The following SYNC variants were observed in gnomAD, a reference collection of about 807,000 sequenced individuals.
SYNC encodes syncoilin.
Under a neutral mutation model 49.5 loss-of-function variants are expected in SYNC, and 38 were observed. That is an observed-to-expected ratio of 0.77 (90% CI 0.59 to 1.01). The LOEUF is 1.01. Ranked by LOEUF, SYNC falls within the 50% of genes least tolerant of loss-of-function variation. SYNC has a pLI of 0.00. For missense variants in SYNC, 579 were observed against 580.6 expected, an observed-to-expected ratio of 1.00 and a Z score of 0.03; for synonymous variants, 201 against 230.8, an observed-to-expected ratio of 0.87 and a Z score of 1.17.
chr1:32,691,401 A>AT (rs397776834), intron 2 of SYNC, among the ~76,000 whole-genome samples: 1 of 150,372 alleles, frequency 6.7e-6, no homozygotes, highest in Non-Finnish European at 1.5e-5. Flanking sequence ...CTAAAAAAAA[A>AT]TTAGCCACGT....
rs557197732 is a variant in SYNC at position 32,695,932 on chromosome 1, C to T, written c.166G>A (p.Glu56Lys). Reference protein sequence around the residue: ...TLSSEGSLNLEDILYLEDTGD... With the variant: ...TLSSEGSLNLKDILYLEDTGD... ...GTGTCCTCCAGGTAGAGAATGTCTT[C>T]GAGGTTTAAGGACCCCTCTGAAGAT... Residue 56 changes from glutamate (E) to lysine (K), a missense_variant, in exon 2 of 5, where the codon GAA (glutamate) becomes AAA (lysine). Coordinates refer to ENST00000409190, the MANE Select transcript of SYNC (RefSeq NM_030786.3). The T allele has an allele frequency of 1.9e-5, 30 of 1,550,874 alleles. No individual in the cohort carries two copies. The highest frequency in any genetic ancestry group is 1.7e-4 in the Middle Eastern group (1 of 5,992).
chr1:32,687,833 A>AATAATTATTATTATTATT (rs1553199360), intron 2 of SYNC, among the ~76,000 whole-genome samples: 13 of 38,212 alleles, frequency 3.4e-4, no homozygotes, highest in African/African-American at 5.5e-4. Flanking sequence ...CTGCCCAGTG[A>AATAATTATTATTATTATT]ATTATTATTA....
chr1:32,700,027 C>T (rs951978119), intron 1 of SYNC, among the ~76,000 whole-genome samples: 7 of 152,068 alleles, frequency 4.6e-5, no homozygotes, highest in African/African-American at 1.2e-4. Flanking sequence ...CCACCACACC[C>T]GGCCCCAAAC....
In SYNC at chr1:32,680,357, G is replaced by GTTT. The variant is rs372285843; in HGVS notation, c.*1490_*1492dup. 9.6e-5 allele frequency: 95 copies of GTTT among 988,058 alleles called. No homozygotes were observed. Among genetic ancestry groups the GTTT allele is most frequent in the Middle Eastern group, 4.6e-4 (1 of 2,174 alleles). 61.2% of individuals were successfully genotyped at this position (988,058 alleles called of 1,614,324 possible). On this transcript the variant is annotated 3_prime_UTR_variant, in exon 5 of 5. Transcript: ENST00000409190. ...AATGGTGTTTTTTTTTTTGTTGTTG[G>GTTT]TTTTTTTTTTTTTTTTTTTAACTTG...
chr1:32,696,119 G>A (rs1650417821), intron 1 of SYNC, 75 bp from the exon 2 acceptor site: 2 of 1,244,632 alleles, frequency 1.6e-6, no homozygotes, highest in South Asian at 1.5e-5. Context: ...CAGCAGCCAT[G>A]GGCCTAGACT....
At chr1:32,689,333 C>T (rs1227839395) in intron 2 of SYNC, among the ~76,000 whole-genome samples, 1 of 144,550 alleles carries the variant, frequency 6.9e-6, no homozygotes, top group Non-Finnish European at 1.5e-5. Flanking sequence ...CCTCTGCTGC[C>T]CAGGTTCAAG....
rs1487161509 is a variant in SYNC at position 32,680,464 on chromosome 1, AT to A, written c.*1385del. ...CTGTCAAGTTGAGAAGAGTGAATCA[AT>A]AACTTGTATTTGTTTTAAAAATTAA... On this transcript the variant is annotated 3_prime_UTR_variant, in exon 5 of 5. Coordinates refer to ENST00000409190, the MANE Select transcript of SYNC (RefSeq NM_030786.3). The A allele has an allele frequency of 6.5e-7, 1 of 1,535,276 alleles. No individual in the cohort carries two copies. Among genetic ancestry groups the A allele is most frequent in the African/African-American group, 1.4e-5 (1 of 71,872 alleles).
At chr1:32,703,048 G>A (rs1650731873), upstream of SYNC, 1 of 152,350 alleles carries the variant, frequency 6.6e-6, no homozygotes, top group Non-Finnish European at 1.5e-5. Context: ...GCCTGGGAGG[G>A]TGGAGGCAGG....
Position 32,681,714 on chromosome 1 carries a change from AACTTCC to A in SYNC, c.*130_*135del. On this transcript the variant is annotated 3_prime_UTR_variant, in exon 5 of 5. Coordinates refer to ENST00000409190, the MANE Select transcript of SYNC (RefSeq NM_030786.3). ...TTTAAGCAGGTCAGCCAGTATTTGCAACTTCCACAGGATGAATTGCTTGCCAAGTTT... is the reference window on the plus strand; with the variant it reads ...TTTAAGCAGGTCAGCCAGTATTTGCAACAGGATGAATTGCTTGCCAAGTTT... The A allele has an allele frequency of 7.0e-7, 1 of 1,429,886 alleles. No homozygotes were observed. The highest frequency in any genetic ancestry group is 2.3e-5 in the East Asian group (1 of 43,372). 88.6% of individuals were successfully genotyped at this position (1,429,886 alleles called of 1,614,324 possible).
rs530389465 is a variant in SYNC at position 32,702,575 on chromosome 1, C to A, written c.53+33G>T. 11 of 1,171,876 alleles carry A rather than the reference C, an allele frequency of 9.4e-6. No homozygotes were observed. The highest frequency in any genetic ancestry group is 1.1e-5 in the Non-Finnish European group (10 of 951,148). 72.6% of individuals were successfully genotyped at this position (1,171,876 alleles called of 1,614,324 possible). A position where few individuals can be genotyped will look rare whatever the true frequency, so the allele number is the denominator to read the frequency against. ...CCGTCCAGCAGCACCCCTTCCCCAGCGGGGCGGCGACGCGGGCCCGGCACT... is the reference window on the plus strand; with the variant it reads ...CCGTCCAGCAGCACCCCTTCCCCAGAGGGGCGGCGACGCGGGCCCGGCACT... On this transcript the variant is annotated intron_variant, in intron 1 of 4. Coordinates refer to ENST00000409190, the MANE Select transcript of SYNC (RefSeq NM_030786.3). The surrounding 1 kb of genome is among the most constrained non-coding windows in gnomAD (Gnocchi z 6.2).
rs1320187866 is a variant in SYNC, at chr1:32,695,819, C to G, written c.279G>C (p.Glu93Asp). The change falls in exon 2 of 5, where the codon GAG becomes GAC. Residue 93 changes from glutamate to aspartate, a missense_variant. Coordinates refer to ENST00000409190, the MANE Select transcript of SYNC (RefSeq NM_030786.3). ...LYIEEAMQPD[E>D]ALHVEEPGNP... ...TCCCAGGCTCCTCCACATGCAGAGC[C>G]TCATCTGGCTGCATGGCCTCCTCAA... 1.3e-6 allele frequency: 2 copies of G among 1,551,752 alleles called. No individual in the cohort carries two copies. Among genetic ancestry groups the G allele is most frequent in the Non-Finnish European group, 1.7e-6 (2 of 1,147,042 alleles).
intron 1 of SYNC, among the ~76,000 whole-genome samples, chr1:32,699,819 C>T (rs1432317489): frequency 2.6e-5 from 4 of 151,222 alleles, no homozygotes; most frequent in African/African-American, 7.3e-5. Context: ...CTGCAACCTC[C>T]GGCTCCTGGT....
intron 2 of SYNC, among the ~76,000 whole-genome samples, chr1:32,688,756 G>A (rs569690398): frequency 4.0e-5 from 6 of 151,044 alleles, no homozygotes; most frequent in African/African-American, 1.5e-4. Context: ...CTAATTTTTT[G>A]TATTTTTAGC....
At chr1:32,688,937 A>G (rs1332219235) in intron 2 of SYNC, among the ~76,000 whole-genome samples, 1 of 144,374 alleles carries the variant, frequency 6.9e-6, no homozygotes, top group East Asian at 2.1e-4. Flanking sequence ...CAACACACAC[A>G]CACTTTTTTT....
At chr1:32,689,532 C>G (rs1650057374) in intron 2 of SYNC, among the ~76,000 whole-genome samples, 1 of 151,958 alleles carries the variant, frequency 6.6e-6, no homozygotes, top group South Asian at 2.1e-4. Flanking sequence ...CAGCACATAG[C>G]TCACTGCCTG....
intron 2 of SYNC, among the ~76,000 whole-genome samples, chr1:32,693,348 G>A (rs1358382857): frequency 6.6e-6 from 1 of 152,158 alleles, no homozygotes; most frequent in African/African-American, 2.4e-5. Context: ...CCCAACCAAA[G>A]TGCTGGGATT....
chr1:32,696,087 C>G (rs1300013436), intron 1 of SYNC, 43 bp from the exon 2 acceptor site: 3 of 1,484,584 alleles, frequency 2.0e-6, no homozygotes, highest in Non-Finnish European at 2.7e-6. Context: ...GCCACAATCC[C>G]AGGATGGTGC....
chr1:32,682,105 G>A (rs1241766074), intron 4 of SYNC: 1 of 494,284 alleles, frequency 2.0e-6, no homozygotes, highest in African/African-American at 1.9e-5. Context: ...CTGAAATTCT[G>A]TAGTTTCATT....
intron 2 of SYNC, among the ~76,000 whole-genome samples, chr1:32,689,235 C>CTTTTTTTT (rs71006360): frequency 0.13 from 5,230 of 41,426 alleles, 2,072 homozygotes; most frequent in Non-Finnish European, 0.17. Flanking sequence ...CTCGCCTGGC[C>CTTTTTTTT]TTTTTTTTTT....
Sources: gnomAD v4.1 joint callset for allele counts (sites outside exome capture counted in the v4.1 genomes callset) on GRCh38, gnomAD v4.1.1 for gene constraint, Gnocchi (gnomAD v3.1) non-coding constraint, MANE v1.5 for transcripts, NCBI Gene and HGNC (gene_info 2026-07-23, HGNC 2026-07-21) for gene names.